Variants in C8orf88 observed in about 807,000 individuals in gnomAD.
C8orf88 encodes the protein uncharacterized protein C8orf88.
A neutral mutation model predicts 18.4 loss-of-function variants in C8orf88; 14 were observed. The ratio of observed to expected loss-of-function variants is 0.76; its 90% CI spans 0.50 to 1.19. C8orf88 has a LOEUF of 1.19. Ranked by LOEUF, C8orf88 falls within the 50% of genes most tolerant of loss-of-function variation. The pLI, the probability that C8orf88 is intolerant of heterozygous loss-of-function variation, is 0.00. For missense variants in C8orf88, 116 were observed against 134.7 expected (o/e 0.86, Z 0.69); for synonymous variants, 45 against 42.9 (o/e 1.05, Z -0.19).
intron 4 of C8orf88, among the ~76,000 whole-genome samples, chr8:90,969,279 T>C (rs548596212): frequency 5.9e-5 from 9 of 151,954 alleles, no homozygotes; most frequent in African/African-American, 1.7e-4. Flanking sequence ...GGAATATTAT[T>C]TAGTCATAAA....
intron 4 of C8orf88, among the ~76,000 whole-genome samples, chr8:90,964,558 C>T (rs1381987669): frequency 6.6e-6 from 1 of 151,564 alleles, no homozygotes. Context: ...CAACTAAAAT[C>T]CACATGAGGA....
intron 4 of C8orf88, among the ~76,000 whole-genome samples, chr8:90,963,080 G>A (rs887888669): frequency 6.6e-6 from 1 of 151,588 alleles, no homozygotes; most frequent in African/African-American, 2.4e-5. Flanking sequence ...GGAAATGAAG[G>A]TGAAGGCAGA....
intron 3 of C8orf88, among the ~76,000 whole-genome samples, chr8:90,972,366 G>C (rs1188962823): frequency 1.3e-5 from 2 of 151,676 alleles, no homozygotes; most frequent in African/African-American, 4.8e-5. Context: ...GTTCTCCAAA[G>C]TTCTTCTAGA....
chr8:90,982,362 G>C (rs974344707), intron 1 of C8orf88, among the ~76,000 whole-genome samples: 8 of 152,110 alleles, frequency 5.3e-5, no homozygotes, highest in African/African-American at 1.9e-4. Flanking sequence ...GTTTATCCTA[G>C]CTATTTTAGT....
At chr8:90,985,278 G>A (rs1041347126), upstream of C8orf88, 1 of 148,662 alleles carries the variant, frequency 6.7e-6, no homozygotes, top group Non-Finnish European at 1.5e-5. Flanking sequence ...CGAGGGGCGG[G>A]GGGCGGGGCG....
chr8:90,961,821 T>G (rs998655175), intron 4 of C8orf88, among the ~76,000 whole-genome samples: 1 of 151,490 alleles, frequency 6.6e-6, no homozygotes, highest in African/African-American at 2.4e-5. Context: ...ACATTTTTAT[T>G]TATAAAAACA....
chr8:90,973,883 G>A (rs1326599082), intron 3 of C8orf88, among the ~76,000 whole-genome samples: 1 of 152,014 alleles, frequency 6.6e-6, no homozygotes, highest in Non-Finnish European at 1.5e-5. Context: ...AGACAAATGC[G>A]TATCACTCTC....
At chr8:90,963,519 G>A (rs1811155801) in intron 4 of C8orf88, among the ~76,000 whole-genome samples, 1 of 151,744 alleles carries the variant, frequency 6.6e-6, no homozygotes, top group South Asian at 2.1e-4. Flanking sequence ...GAATTTACTT[G>A]TGAAAGGCTT....
rs1757025988 is a variant in C8orf88, at chr8:90,985,112, A to G, written c.-27+2T>C. ...TGTCGCTCATCCTCCCTAGCCACTTACCGACTCAAAATCCACGGGGATTTC... is the reference window on the plus strand; with the variant it reads ...TGTCGCTCATCCTCCCTAGCCACTTGCCGACTCAAAATCCACGGGGATTTC... On this transcript the variant is annotated splice_donor_variant, in intron 1 of 5. Transcript: ENST00000517562. LOFTEE classifies it low-confidence loss of function (5UTR_SPLICE). 1 of 152,064 alleles carries G rather than the reference A, an allele frequency of 6.6e-6. No individual in the cohort carries two copies. The highest frequency in any genetic ancestry group is 2.4e-5 in the African/African-American group (1 of 41,390). The allele number at this position is 152,064 out of a possible 1,614,324, so 9.4% of individuals were successfully genotyped here.
In C8orf88 at chr8:90,960,844, T is replaced by A; in HGVS notation, c.228A>T (p.Arg76Ser). Residue 76 changes from arginine to serine, a missense_variant, in exon 5 of 6, where the codon AGA (arginine) becomes AGT (serine). Coordinates refer to ENST00000517562, the MANE Select transcript of C8orf88 (RefSeq NM_001190972.2). ...ACAGGAAATCTCTGCTGTATTTAAT[T>A]CTCTCTGTAGATATTAAACATCAAA... ...QQQQSPVKKE[R>S]IKYSRDFLLK... The A allele has an allele frequency of 4.6e-6, 7 of 1,508,026 alleles. No homozygotes were observed. The highest frequency in any genetic ancestry group is 5.3e-6 in the Non-Finnish European group (6 of 1,122,438). The allele number at this position is 1,508,026 out of a possible 1,614,324, so 93.4% of individuals were successfully genotyped here.
intron 4 of C8orf88, 135 bp downstream of exon 4, chr8:90,970,931 A>G (rs1296075766): frequency 2.0e-6 from 1 of 512,296 alleles, no homozygotes; most frequent in Non-Finnish European, 3.3e-6. Flanking sequence ...AGCCTGACTC[A>G]TATAGATAGA....
chr8:90,972,344 C>T (rs558375261), intron 3 of C8orf88, among the ~76,000 whole-genome samples: 8 of 151,820 alleles, frequency 5.3e-5, no homozygotes, highest in Admixed American at 2.6e-4. Context: ...ATGGAAAATG[C>T]CTAAGATTTG....
intron 1 of C8orf88, among the ~76,000 whole-genome samples, chr8:90,983,057 A>G (rs924655710): frequency 3.3e-5 from 5 of 152,202 alleles, no homozygotes; most frequent in Admixed American, 1.3e-4. Context: ...TCATCCATGG[A>G]ATGTAGAGAT....
intron 3 of C8orf88, among the ~76,000 whole-genome samples, chr8:90,977,768 C>G (rs1811372651): frequency 6.6e-6 from 1 of 151,876 alleles, no homozygotes; most frequent in Non-Finnish European, 1.5e-5. Context: ...ATGGTGAAAC[C>G]CCATCTGTAC....
At chr8:90,981,526 C>T (rs1811435477) in intron 1 of C8orf88, among the ~76,000 whole-genome samples, 2 of 152,074 alleles carry the variant, frequency 1.3e-5, no homozygotes, top group Non-Finnish European at 2.9e-5. Flanking sequence ...ACATGAAGTT[C>T]TCTAATAATA....
chr8:90,983,862 C>T (rs1274981058), intron 1 of C8orf88, among the ~76,000 whole-genome samples: 1 of 152,150 alleles, frequency 6.6e-6, no homozygotes, highest in Non-Finnish European at 1.5e-5. Context: ...AGATATCTGA[C>T]TGTCCATTTA....
intron 5 of C8orf88, among the ~76,000 whole-genome samples, chr8:90,959,693 A>G (rs1811097177): frequency 6.6e-6 from 1 of 151,470 alleles, no homozygotes; most frequent in Non-Finnish European, 1.5e-5. Flanking sequence ...GAGGAAAAAA[A>G]TACTATGAAT....
At chr8:90,980,497 C>G in intron 1 of C8orf88, 36 bp from the exon 2 acceptor site, 1 of 926,354 alleles carries the variant, frequency 1.1e-6, no homozygotes, top group Non-Finnish European at 1.6e-6. Flanking sequence ...ATCTTTTGGA[C>G]AAAATAATCA....
At chr8:90,985,331 C>CG (rs1277599383), upstream of C8orf88, 8 of 150,936 alleles carry the variant, frequency 5.3e-5, no homozygotes, top group Admixed American at 4.6e-4. Flanking sequence ...AGGGCGGGCG[C>CG]GGGGCGTGGC....
Sources: allele counts gnomAD v4.1 joint callset (sites outside exome capture counted in the v4.1 genomes callset), GRCh38; gene constraint gnomAD v4.1.1; transcripts MANE v1.5; gene names NCBI Gene and HGNC (gene_info 2026-07-23, HGNC 2026-07-21).